Variants in STK39 observed in about 807,000 individuals in gnomAD.
The protein encoded by STK39 is STE20/SPS1-related proline-alanine-rich protein kinase.
STK39 carries 20 observed loss-of-function variants against 77.8 expected under a neutral mutation model. The ratio of observed to expected loss-of-function variants is 0.26; its 90% CI spans 0.18 to 0.37. The LOEUF (loss-of-function observed/expected upper bound fraction) is 0.37, where lower values mean the gene tolerates loss of function less well. Among genes scored for constraint, STK39 ranks in the 10% least tolerant of loss-of-function variants. The pLI is 1.00. For missense variants in STK39, 479 were observed against 656.5 expected (o/e 0.73, Z 2.95); for synonymous variants, 246 against 234.1 (o/e 1.05, Z -0.47).
At chr2:168,052,274 T>A (rs926594819) in intron 14 of STK39, among the ~76,000 whole-genome samples, 1 of 152,132 alleles carries the variant, frequency 6.6e-6, no homozygotes, top group Non-Finnish European at 1.5e-5. Flanking sequence ...TTGGTCATAT[T>A]TCCAGGACTC....
At chr2:168,044,457 T>C (rs10180407) in intron 14 of STK39, among the ~76,000 whole-genome samples, 19,553 of 152,256 alleles carry the variant, frequency 0.13, 1,537 homozygotes, top group Middle Eastern at 0.18. Flanking sequence ...TTACTGGGCA[T>C]CAGCTTGATT....
intron 3 of STK39, among the ~76,000 whole-genome samples, chr2:168,164,915 A>C (rs1377571533): frequency 6.6e-6 from 1 of 152,150 alleles, no homozygotes; most frequent in African/African-American, 2.4e-5. Context: ...GAGTTAACAA[A>C]CGGCTTACCT....
At chr2:168,177,658 C>T (rs1042407111) in intron 2 of STK39, among the ~76,000 whole-genome samples, 6 of 152,032 alleles carry the variant, frequency 3.9e-5, no homozygotes, top group African/African-American at 7.3e-5. Flanking sequence ...AGCACTCATG[C>T]GATGGATTTT....
chr2:167,974,773 A>G (rs10192828), intron 16 of STK39, among the ~76,000 whole-genome samples: 24,001 of 152,194 alleles, frequency 0.16, 2,087 homozygotes, highest in Middle Eastern at 0.21. Flanking sequence ...GAGGTTCACA[A>G]AAGGATGGAA....
chr2:168,247,571 G>C lies in STK39; in HGVS notation c.-136C>G, dbSNP rs900455871. ...CGCCGCCGCCGCCGCCGTCCCCGCCGAAGCCAGCTAGGAGGGGAGGGAGCA... is the reference window on the plus strand; with the variant it reads ...CGCCGCCGCCGCCGCCGTCCCCGCCCAAGCCAGCTAGGAGGGGAGGGAGCA... On this transcript the variant is annotated 5_prime_UTR_variant, in exon 1 of 18. Transcript: ENST00000355999. The C allele has an allele frequency of 1.4e-6, 1 of 707,422 alleles. No individual in the cohort carries two copies. Among genetic ancestry groups the C allele is most frequent in the Non-Finnish European group, 1.8e-6 (1 of 549,252 alleles). The allele number at this position is 707,422 out of a possible 1,614,324, so 43.8% of individuals were successfully genotyped here.
At chr2:168,059,464 G>C (rs533005017) in intron 14 of STK39, among the ~76,000 whole-genome samples, 1 of 152,178 alleles carries the variant, frequency 6.6e-6, no homozygotes, top group Non-Finnish European at 1.5e-5. Context: ...GGGTGGCGTA[G>C]TGGAGATGGT....
chr2:168,102,285 C>T (rs1459722808), intron 10 of STK39, among the ~76,000 whole-genome samples: 1 of 152,148 alleles, frequency 6.6e-6, no homozygotes, highest in African/African-American at 2.4e-5. Context: ...TGGGAGGGTT[C>T]CAGTTCTTCC....
chr2:168,014,006 A>C (rs1429435542), intron 15 of STK39, among the ~76,000 whole-genome samples: 1 of 150,782 alleles, frequency 6.6e-6, no homozygotes, highest in Non-Finnish European at 1.5e-5. Flanking sequence ...AACACACCTT[A>C]CACTTTATAC....
chr2:168,247,548 C>CCGCCGCCGCCGT lies in STK39; in HGVS notation c.-114_-113insACGGCGGCGGCG. On this transcript the variant is annotated 5_prime_UTR_variant, in exon 1 of 18. Coordinates refer to ENST00000355999, the MANE Select transcript of STK39 (RefSeq NM_013233.3). ...GGCCGGCGCACGCCCTCCCCGCCCG[C>CCGCCGCCGCCGT]CGCCGCCGCCGCCGTCCCCGCCGAA... 1 of 667,538 alleles carries CCGCCGCCGCCGT rather than the reference C, an allele frequency of 1.5e-6. No homozygotes were observed. Among genetic ancestry groups the CCGCCGCCGCCGT allele is most frequent in the Non-Finnish European group, 2.0e-6 (1 of 512,248 alleles). The allele number at this position is 667,538 out of a possible 1,614,324, so 41.4% of individuals were successfully genotyped here.
At chr2:167,983,675 T>C (rs550187877) in intron 16 of STK39, among the ~76,000 whole-genome samples, 1 of 152,192 alleles carries the variant, frequency 6.6e-6, no homozygotes, top group East Asian at 1.9e-4. Flanking sequence ...TCCTTACCCG[T>C]CCCTTCTGCA....
At chr2:168,229,998 A>G (rs1690412064) in intron 1 of STK39, among the ~76,000 whole-genome samples, 1 of 152,232 alleles carries the variant, frequency 6.6e-6, no homozygotes, top group Non-Finnish European at 1.5e-5. Flanking sequence ...CAATGGCACT[A>G]TAACAACGAG....
At chr2:168,012,411 G>A (rs1412358596) in intron 16 of STK39, among the ~76,000 whole-genome samples, 2 of 152,072 alleles carry the variant, frequency 1.3e-5, no homozygotes, top group Admixed American at 6.6e-5. Context: ...GACCTCAGGT[G>A]GTCCACCCAC....
chr2:168,038,885 A>T (rs969977408), intron 14 of STK39, among the ~76,000 whole-genome samples: 2 of 152,200 alleles, frequency 1.3e-5, no homozygotes, highest in Admixed American at 6.5e-5. Context: ...AATTAAAAAG[A>T]TTGACGATAC....
intron 16 of STK39, among the ~76,000 whole-genome samples, chr2:167,987,421 G>C (rs935767623): frequency 2.6e-5 from 4 of 152,066 alleles, no homozygotes; most frequent in African/African-American, 9.7e-5. Context: ...AGTATACTTA[G>C]AAAAGTTAAC....
intron 10 of STK39, among the ~76,000 whole-genome samples, chr2:168,111,451 T>C (rs995477546): frequency 1.3e-5 from 2 of 152,210 alleles, no homozygotes; most frequent in South Asian, 2.1e-4. Flanking sequence ...TTTTTCCCAA[T>C]ACTTTGAGGA....
chr2:168,231,233 G>C (rs1690447027), intron 1 of STK39, among the ~76,000 whole-genome samples: 1 of 152,084 alleles, frequency 6.6e-6, no homozygotes, highest in African/African-American at 2.4e-5. Flanking sequence ...AACATTTTTG[G>C]AAGTATTTTA....
chr2:168,242,631 C>T (rs1690798330), intron 1 of STK39, among the ~76,000 whole-genome samples: 1 of 143,072 alleles, frequency 7.0e-6, no homozygotes, highest in South Asian at 2.2e-4. Flanking sequence ...CGCCTGTAAT[C>T]CCAACACATT....
chr2:168,246,878 G>C (rs921452413), intron 1 of STK39, among the ~76,000 whole-genome samples: 1 of 151,700 alleles, frequency 6.6e-6, no homozygotes, highest in African/African-American at 2.4e-5. Flanking sequence ...CCGGCCACGG[G>C]CTGCGGTCCC....
intron 1 of STK39, among the ~76,000 whole-genome samples, chr2:168,233,096 T>C (rs1329321655): frequency 6.6e-6 from 1 of 152,156 alleles, no homozygotes; most frequent in African/African-American, 2.4e-5. Context: ...CTAGCCCCGA[T>C]CTTGACTTAT....
Sources: allele counts gnomAD v4.1 joint callset (sites outside exome capture counted in the v4.1 genomes callset), GRCh38; gene constraint gnomAD v4.1.1; transcripts MANE v1.5; gene names NCBI Gene and HGNC (gene_info 2026-07-23, HGNC 2026-07-21).